Variants in CERS3 observed in about 807,000 individuals in gnomAD.
The protein encoded by CERS3 is ceramide synthase 3.
Under a neutral mutation model 50.3 loss-of-function variants are expected in CERS3, and 33 were observed. The ratio of observed to expected loss-of-function variants is 0.66; its 90% confidence interval spans 0.50 to 0.88. The LOEUF is 0.88. Among genes scored for constraint, CERS3 ranks in the 40% least tolerant of loss-of-function variants. The pLI is 0.00. For missense variants in CERS3, 470 were observed against 460.3 expected, an observed-to-expected ratio of 1.02 and a Z score of -0.19; for synonymous variants, 176 against 155.2, an observed-to-expected ratio of 1.13 and a Z score of -0.99.
chr15:100,503,592 C>A (rs1322671487), intron 2 of CERS3: 4 of 420,208 alleles, frequency 9.5e-6, no homozygotes, highest in Non-Finnish European at 2.0e-5. Context: ...TGTCTTTGTG[C>A]TGATTAGAGG....
At chr15:100,462,308 T>C (rs1297034200) in intron 10 of CERS3, among the ~76,000 whole-genome samples, 1 of 152,212 alleles carries the variant, frequency 6.6e-6, no homozygotes, top group Non-Finnish European at 1.5e-5. Flanking sequence ...GGAGTTGGCA[T>C]GGTTTGAATA....
intron 2 of CERS3, among the ~76,000 whole-genome samples, chr15:100,506,397 C>T (rs955688152): frequency 2.6e-5 from 4 of 151,970 alleles, no homozygotes; most frequent in Non-Finnish European, 4.4e-5. Flanking sequence ...CCCAGAGAGG[C>T]CCTTCACACC....
intron 1 of CERS3, among the ~76,000 whole-genome samples, chr15:100,541,897 C>A (rs761468748): frequency 4.6e-5 from 7 of 152,080 alleles, no homozygotes; most frequent in African/African-American, 7.2e-5. Flanking sequence ...TTGCTTGATC[C>A]TGTTAAACTC....
intron 3 of CERS3, among the ~76,000 whole-genome samples, chr15:100,492,638 G>C (rs185173207): frequency 4.9e-4 from 75 of 152,142 alleles, no homozygotes; most frequent in African/African-American, 1.5e-3. Flanking sequence ...TAGTTGGATC[G>C]TGTTTTCCTA....
chr15:100,410,063 G>C (rs1168334201), intron 11 of CERS3, among the ~76,000 whole-genome samples: 1 of 152,192 alleles, frequency 6.6e-6, no homozygotes, highest in Admixed American at 6.5e-5. Context: ...AAGGTACCTA[G>C]TATTCCACTG....
chr15:100,482,718 G>A (rs778051007), intron 5 of CERS3, among the ~76,000 whole-genome samples: 5 of 152,112 alleles, frequency 3.3e-5, no homozygotes, highest in African/African-American at 4.8e-5. Flanking sequence ...AACCCAACGT[G>A]CCTGGGGGCT....
intron 9 of CERS3, 77 bp from the exon 10 acceptor site, chr15:100,469,561 A>T (rs1446891401): frequency 1.2e-5 from 12 of 1,043,464 alleles, no homozygotes; most frequent in African/African-American, 6.5e-5. Flanking sequence ...ATGAAATGAT[A>T]TGAGGTCTGG....
At chr15:100,442,982 T>A (rs1022279243) in intron 11 of CERS3, among the ~76,000 whole-genome samples, 2 of 151,348 alleles carry the variant, frequency 1.3e-5, no homozygotes, top group African/African-American at 4.8e-5. Context: ...CCAACTCTGG[T>A]GCCAACTTAG....
At chr15:100,472,510 G>A (rs951627389) in intron 9 of CERS3, among the ~76,000 whole-genome samples, 1 of 152,124 alleles carries the variant, frequency 6.6e-6, no homozygotes, top group Non-Finnish European at 1.5e-5. Flanking sequence ...AGGGGAGGGT[G>A]GGGGAGTGTG....
At chr15:100,474,493 C>G (rs1465668271) in intron 8 of CERS3, among the ~76,000 whole-genome samples, 2 of 152,168 alleles carry the variant, frequency 1.3e-5, no homozygotes, top group African/African-American at 4.8e-5. Flanking sequence ...CAACCTCCAC[C>G]TCTCAGGTTC....
chr15:100,500,771 T>C (rs2035973315), intron 3 of CERS3, among the ~76,000 whole-genome samples: 1 of 152,178 alleles, frequency 6.6e-6, no homozygotes, highest in Non-Finnish European at 1.5e-5. Flanking sequence ...AGTTGTTGTT[T>C]GTACAAAAAC....
At position 100,521,748 on chromosome 15, in the gene CERS3, AC is replaced by A. The variant is rs1232015828; in HGVS notation, c.-84del. On this transcript the variant is annotated 5_prime_UTR_variant, in exon 2 of 12. An upstream open reading frame in the 5' UTR loses its in-frame stop. Coordinates refer to ENST00000679737, the MANE Select transcript of CERS3 (RefSeq NM_001378789.1). ...ATATATAAATGTCAGCTTTTGTTTCACAACATCCCTAAAGAAGCAGAAAAAG... is the reference window on the plus strand; with the variant it reads ...ATATATAAATGTCAGCTTTTGTTTCAAACATCCCTAAAGAAGCAGAAAAAG... 3 of 152,170 alleles carry A rather than the reference AC, an allele frequency of 2.0e-5. No homozygotes were observed. The East Asian group carries it at 5.8e-4, about 29-fold the overall frequency. 9.4% of individuals were successfully genotyped at this position (152,170 alleles called of 1,614,324 possible). A position where few individuals can be genotyped will look rare whatever the true frequency, so the allele number is the denominator to read the frequency against.
chr15:100,506,454 A>G (rs2036181693), intron 2 of CERS3, among the ~76,000 whole-genome samples: 1 of 115,306 alleles, frequency 8.7e-6, no homozygotes, highest in African/African-American at 3.2e-5. Context: ...GGTGTGAAGA[A>G]ATCGGGACCC....
At chr15:100,419,878 A>C (rs879311958) in intron 11 of CERS3, among the ~76,000 whole-genome samples, 2,801 of 148,446 alleles carry the variant, frequency 0.019, 32 homozygotes, top group Admixed American at 0.026. Flanking sequence ...TGTTCTTTGA[A>C]ACCAACGAGA....
intron 10 of CERS3, among the ~76,000 whole-genome samples, chr15:100,462,032 G>A (rs561295695): frequency 3.7e-4 from 57 of 152,210 alleles, no homozygotes; most frequent in African/African-American, 1.1e-3. Context: ...CCTAACACAC[G>A]TGCATACATG....
intron 11 of CERS3, among the ~76,000 whole-genome samples, chr15:100,416,495 C>A (rs1252980854): frequency 6.6e-6 from 1 of 152,142 alleles, no homozygotes; most frequent in Admixed American, 6.6e-5. Flanking sequence ...ACGATACTAC[C>A]CAAGACTGGG....
intron 1 of CERS3, among the ~76,000 whole-genome samples, chr15:100,526,433 C>A (rs554432141): frequency 7.6e-5 from 11 of 144,958 alleles, no homozygotes; most frequent in African/African-American, 2.6e-4. Flanking sequence ...CAGCTCCTGG[C>A]AGTGCTTCTG....
chr15:100,471,058 C>T (rs971885923), intron 9 of CERS3, among the ~76,000 whole-genome samples: 1 of 152,196 alleles, frequency 6.6e-6, no homozygotes, highest in Non-Finnish European at 1.5e-5. Flanking sequence ...CCCCTGCCAC[C>T]ACTTAATATT....
Position 100,409,987 on chromosome 15 carries a change from C to G in CERS3, c.1000-7122G>C, listed in dbSNP as rs1252577858. Among the ~76,000 whole-genome samples, 15 of 152,284 alleles carry G rather than the reference C, an allele frequency of 9.9e-5. No individual in the cohort carries two copies. In the South Asian group the frequency reaches 3.1e-3, roughly 32 times the overall value. ...GCCTGTCATCTGCCAGAGTGACTCC[C>G]CCTTGGGAAGGTTTTCCTACAGTAG... On this transcript the variant is annotated intron_variant, in intron 11 of 11. Transcript: ENST00000679737.
Sources: gnomAD v4.1 joint callset for allele counts (sites outside exome capture counted in the v4.1 genomes callset) on GRCh38, gnomAD v4.1.1 for gene constraint, MANE v1.5 for transcripts, NCBI Gene and HGNC (gene_info 2026-07-23, HGNC 2026-07-21) for gene names.